Variants in PKHD1L1 observed in about 807,000 individuals in gnomAD.
The protein encoded by PKHD1L1 is fibrocystin-L.
PKHD1L1 carries 434 observed loss-of-function variants against 462.9 expected under a neutral mutation model. The observed-to-expected ratio is 0.94, with a 90% CI of 0.87 to 1.02. PKHD1L1 has a LOEUF of 1.02. PKHD1L1 is among the 50% of genes least tolerant of loss of function. The pLI is 0.00. For synonymous variants in PKHD1L1, 1,781 were observed against 1,750.0 expected, an observed-to-expected ratio of 1.02 and a Z score of -0.44; for missense variants, 5,202 against 5,096.1, an observed-to-expected ratio of 1.02 and a Z score of -0.63.
chr8:109,389,698 T>C (rs1025934487), intron 8 of PKHD1L1, among the ~76,000 whole-genome samples: 4 of 152,102 alleles, frequency 2.6e-5, no homozygotes, highest in African/African-American at 9.7e-5. Flanking sequence ...TGGCTAATTT[T>C]TGTATTTTTA....
In PKHD1L1 at chr8:109,388,550, T is replaced by A. The variant is rs1447923377; in HGVS notation, c.623T>A (p.Leu208Ter). The change falls in exon 7 of 78, where the codon TTA (leucine) becomes TAA (stop). Residue 208 changes from leucine to a stop codon, truncating the protein, a stop_gained and splice_region_variant. Transcript: ENST00000378402. LOFTEE classifies it high-confidence loss of function. ...CTTCTCATACCACAATCTGATAATT[T>A]GTAAGTAATTCAAATTATTTTCTTT... ...CELLIPQSDNLYGLKLDHPNG... is the reference protein window; with the variant it reads ...CELLIPQSDN 4.7e-6 allele frequency: 7 copies of A among 1,501,180 alleles called. No individual in the cohort carries two copies. The highest frequency in any genetic ancestry group is 6.3e-6 in the Non-Finnish European group (7 of 1,102,996). The allele number at this position is 1,501,180 out of a possible 1,614,324, so 93.0% of individuals were successfully genotyped here. A position where few individuals can be genotyped will look rare whatever the true frequency, so the allele number is the denominator to read the frequency against.
In PKHD1L1 at chr8:109,420,520, A is replaced by G; in HGVS notation, c.2527A>G (p.Met843Val). 1 of 1,563,890 alleles carries G rather than the reference A, an allele frequency of 6.4e-7. No individual in the cohort carries two copies. The highest frequency in any genetic ancestry group is 8.6e-7 in the Non-Finnish European group (1 of 1,159,818). Residue 843 changes from methionine to valine, a missense_variant and splice_region_variant, in exon 23 of 78, where the codon ATG becomes GTG. Met to Val is a conservative substitution (Grantham distance 21, BLOSUM62 1). Around this residue, in one of 3 missense-constraint regions of PKHD1L1, gnomAD observed 4,497 missense variants for 4,336.8 expected, o/e 1.04. Transcript: ENST00000378402. ...ATATTTTTATTTATATTCTTTAGAA[A>G]TGCCCAAGAGAAGACTTCCTGCATT... is the stretch of plus-strand genomic sequence containing the variant. ...HTSTISTLDE[M>V]PKRRLPALAN...
In PKHD1L1 at chr8:109,491,978, G is replaced by T; in HGVS notation, c.10220G>T (p.Trp3407Leu). 1.3e-6 allele frequency: 2 copies of T among 1,553,488 alleles called. No individual in the cohort carries two copies. The highest frequency in any genetic ancestry group is 1.9e-5 in the Admixed American group (1 of 53,366). ...QNRKDLSSTL[W>L]HAAIEINRGT... ...AGAAAAGATTTAAGTTCAACTCTCT[G>T]GCATGCAGCAATTGAGGTAGTGAAA... is the stretch of plus-strand genomic sequence containing the variant. Residue 3407 changes from tryptophan to leucine, a missense_variant, in exon 62 of 78, where the codon TGG becomes TTG. By Grantham distance (61) the Trp-to-Leu change is moderately conservative (BLOSUM62 -2). Coordinates refer to ENST00000378402, the MANE Select transcript of PKHD1L1 (RefSeq NM_177531.6).
intron 2 of PKHD1L1, among the ~76,000 whole-genome samples, chr8:109,376,524 C>T (rs1249212389): frequency 2.0e-5 from 3 of 152,158 alleles, no homozygotes; most frequent in Non-Finnish European, 4.4e-5. Context: ...CACTGTCCGG[C>T]ACTCCCCAGT....
chr8:109,517,823 C>T (rs1339805444), intron 72 of PKHD1L1, among the ~76,000 whole-genome samples: 1 of 152,026 alleles, frequency 6.6e-6, no homozygotes, highest in Non-Finnish European at 1.5e-5. Flanking sequence ...TGCCTTCAGT[C>T]AAGGCTTTAA....
In PKHD1L1 at chr8:109,504,351, ATGTT is replaced by A; in HGVS notation, c.10858_10861del (p.Cys3620GlnfsTer13). On this transcript the variant is annotated frameshift_variant, in exon 68 of 78. Transcript: ENST00000378402. LOFTEE classifies it high-confidence loss of function. ...GGTTCAACATTTGTTGGATTTAAGA[ATGTT>A]TGTTCAGGGGAAACTAATGTTATAT... 6.8e-7 allele frequency: 1 copy of A among 1,471,010 alleles called. No homozygotes were observed. Among genetic ancestry groups the A allele is most frequent in the Non-Finnish European group, 9.2e-7 (1 of 1,089,248 alleles). 91.1% of individuals were successfully genotyped at this position (1,471,010 alleles called of 1,614,324 possible).
chr8:109,476,729 T>A (rs1432581141), intron 52 of PKHD1L1, 62 bp downstream of exon 52: 2 of 1,451,032 alleles, frequency 1.4e-6, no homozygotes, highest in Non-Finnish European at 1.9e-6. Context: ...ATGAGAAAAA[T>A]TGCTTAATAA....
chr8:109,464,824 T>C lies in PKHD1L1; in HGVS notation c.7992T>C (p.Asn2664=), dbSNP rs1817342866. Residue 2664 remains asparagine, a synonymous_variant, in exon 49 of 78, where the codon AAT becomes AAC. Transcript: ENST00000378402. ...GTCAAAAAGGAGCTGAATGGGTCAA[T>C]GGAGGTGCCCTTCAGTTCCATAACT... is the stretch of plus-strand genomic sequence containing the variant. The part of the protein sequence containing the change: ...WNCQKGAEWV[N]GGALQFHNFV... The C allele has an allele frequency of 6.2e-7, 1 of 1,613,820 alleles. No homozygotes were observed. Among genetic ancestry groups the C allele is most frequent in the Non-Finnish European group, 8.5e-7 (1 of 1,179,796 alleles).
chr8:109,498,291 C>T (rs1418096429), intron 65 of PKHD1L1, among the ~76,000 whole-genome samples, 171 bp from the exon 66 acceptor site: 1 of 69,484 alleles, frequency 1.4e-5, no homozygotes, highest in Non-Finnish European at 2.8e-5. Flanking sequence ...TTAGTAGAGA[C>T]GGGGTTTCAC....
chr8:109,414,005 A>G (rs994671056), intron 21 of PKHD1L1, among the ~76,000 whole-genome samples: 13 of 152,154 alleles, frequency 8.5e-5, no homozygotes, highest in Admixed American at 3.9e-4. Flanking sequence ...AAATAGAGAA[A>G]CATAAAGGAA....
In PKHD1L1 at chr8:109,531,156, C is replaced by T. The variant is rs1821031797; in HGVS notation, c.*1066C>T. 6.6e-6 allele frequency among the ~76,000 whole-genome samples: 1 copy of T among 152,154 alleles called. No homozygotes were observed. The highest frequency in any genetic ancestry group is 6.5e-5 in the Admixed American group (1 of 15,282). On this transcript the variant is annotated 3_prime_UTR_variant, in exon 78 of 78. Transcript: ENST00000378402. Reference sequence around the variant, plus strand: ...ACAGCTGAGAGAATTCAACAAAGCCCATACCGTTGTCTCTTGTATAACATC... The same window carrying T: ...ACAGCTGAGAGAATTCAACAAAGCCTATACCGTTGTCTCTTGTATAACATC...
chr8:109,494,711 G>A (rs528671038), intron 63 of PKHD1L1, among the ~76,000 whole-genome samples: 86 of 151,898 alleles, frequency 5.7e-4, no homozygotes, highest in African/African-American at 2.1e-3. Context: ...GAATGTATAT[G>A]GTATTTGTAT....
chr8:109,504,320 G>A lies in PKHD1L1; in HGVS notation c.10829-7G>A, dbSNP rs756196299. On this transcript the variant is annotated splice_polypyrimidine_tract_variant and splice_region_variant and intron_variant, in intron 67 of 77. Coordinates refer to ENST00000378402, the MANE Select transcript of PKHD1L1 (RefSeq NM_177531.6). ...AAATAATCACTTATCTATTATTTAT[G>A]TTTTAGGTTCAACATTTGTTGGATT... 7.2e-7 allele frequency: 1 copy of A among 1,394,894 alleles called. No homozygotes were observed. Among genetic ancestry groups the A allele is most frequent in the Non-Finnish European group, 9.6e-7 (1 of 1,037,894 alleles). 86.4% of individuals were successfully genotyped at this position (1,394,894 alleles called of 1,614,324 possible). A position where few individuals can be genotyped will look rare whatever the true frequency, so the allele number is the denominator to read the frequency against.
At chr8:109,380,743 C>CA (rs1156569651) in intron 2 of PKHD1L1, among the ~76,000 whole-genome samples, 2 of 152,174 alleles carry the variant, frequency 1.3e-5, no homozygotes, top group East Asian at 3.9e-4. Flanking sequence ...TCTTTCCTCA[C>CA]ATTTTGCTCT....
At chr8:109,458,420 C>CT (rs11457335) in intron 46 of PKHD1L1, among the ~76,000 whole-genome samples, 76,258 of 151,866 alleles carry the variant, frequency 0.5, 19,419 homozygotes, top group South Asian at 0.68. Context: ...CAATCAAAAC[C>CT]GTTATTGAGT....
Position 109,536,984 on chromosome 8 carries a change from T to G in PKHD1L1, c.*6894T>G, listed in dbSNP as rs774556609. ...GTTATAATTTTCCAGAATATTAATGTTTATTATTTTGAAAGCAAGTAAAAT... is the reference window on the plus strand; with the variant it reads ...GTTATAATTTTCCAGAATATTAATGGTTATTATTTTGAAAGCAAGTAAAAT... On this transcript the variant is annotated 3_prime_UTR_variant, in exon 78 of 78. Transcript: ENST00000378402. Among the ~76,000 whole-genome samples the G allele has an allele frequency of 6.6e-6, 1 of 152,218 alleles. No individual in the cohort carries two copies. The highest frequency in any genetic ancestry group is 2.4e-5 in the African/African-American group (1 of 41,450).
intron 72 of PKHD1L1, among the ~76,000 whole-genome samples, chr8:109,516,889 T>A (rs1224888035): frequency 1.3e-5 from 2 of 152,146 alleles, no homozygotes; most frequent in Non-Finnish European, 2.9e-5. Context: ...CTGAATTGTA[T>A]AATTAATAGT....
chr8:109,417,248 C>G (rs1814223566), intron 21 of PKHD1L1, among the ~76,000 whole-genome samples: 1 of 151,888 alleles, frequency 6.6e-6, no homozygotes, highest in African/African-American at 2.4e-5. Context: ...GGGATGGATA[C>G]CCCATTTTAC....
intron 67 of PKHD1L1, chr8:109,499,250 T>C (rs1052145257): frequency 6.4e-6 from 1 of 155,178 alleles, no homozygotes; most frequent in African/African-American, 2.4e-5. Flanking sequence ...AATAATTATA[T>C]ATAAATTAAT....
Sources: gnomAD v4.1 joint callset for allele counts (sites outside exome capture counted in the v4.1 genomes callset) on GRCh38, gnomAD v4.1.1 for gene constraint, gnomAD v4.1.1 regional missense constraint, MANE v1.5 for transcripts, NCBI Gene and HGNC (gene_info 2026-07-23, HGNC 2026-07-21) for gene names.